CTTNBP2: variants seen among roughly 807,000 people sequenced by gnomAD.
The protein encoded by CTTNBP2 is cortactin-binding protein 2.
A neutral mutation model predicts 156.9 loss-of-function variants in CTTNBP2; 108 were observed. The ratio of observed to expected loss-of-function variants is 0.69; its 90% confidence interval spans 0.59 to 0.81. The LOEUF (loss-of-function observed/expected upper bound fraction) is 0.81, where lower values mean the gene tolerates loss of function less well. Among genes scored for constraint, CTTNBP2 ranks in the 30% least tolerant of loss-of-function variants. The pLI, the probability that CTTNBP2 is intolerant of heterozygous loss-of-function variation, is 0.00. For synonymous variants in CTTNBP2, 767 were observed against 751.8 expected (o/e 1.02, Z -0.33); for missense variants, 1,924 against 2,035.4 (o/e 0.95, Z 1.05).
intron 1 of CTTNBP2, among the ~76,000 whole-genome samples, 198 bp downstream of exon 1, chr7:117,873,137 A>G (rs1381611214): frequency 6.6e-6 from 1 of 152,262 alleles, no homozygotes; most frequent in South Asian, 2.1e-4. Context: ...ATCCCCAGCC[A>G]GGGTGGCCGC....
chr7:117,818,555 C>T (rs1013744660), intron 2 of CTTNBP2, among the ~76,000 whole-genome samples: 1 of 152,122 alleles, frequency 6.6e-6, no homozygotes, highest in Non-Finnish European at 1.5e-5. Flanking sequence ...ACCACCAAGC[C>T]ATGAAATGGA....
chr7:117,774,785 G>A (rs554058491), intron 8 of CTTNBP2, among the ~76,000 whole-genome samples: 14 of 152,098 alleles, frequency 9.2e-5, no homozygotes, highest in South Asian at 6.2e-4. Flanking sequence ...GGGTAGCAAC[G>A]ATACTACTAC....
Position 117,792,719 on chromosome 7 carries a change from G to A in CTTNBP2, c.477C>T (p.Arg159=). The part of the protein sequence containing the change: ...LEQEHKKLAA[R]LEEERGKNKQ... ...TGTTCTTGCCACGCTCTTCCTCAAG[G>A]CGGGCAGCCAGCTTCTTGTGCTCTT... Residue 159 remains arginine, a synonymous_variant, in exon 4 of 23, where the codon CGC becomes CGT. Coordinates refer to ENST00000160373, the MANE Select transcript of CTTNBP2 (RefSeq NM_033427.3). This position sits in a 1 kb window ranked among gnomAD's most constrained non-coding sequence, Gnocchi z 4.2. 6.2e-7 allele frequency: 1 copy of A among 1,609,310 alleles called. No individual in the cohort carries two copies. Among genetic ancestry groups the A allele is most frequent in the Non-Finnish European group, 8.5e-7 (1 of 1,177,552 alleles).
At chr7:117,787,534 T>C (rs1204565823) in intron 4 of CTTNBP2, among the ~76,000 whole-genome samples, 1 of 152,098 alleles carries the variant, frequency 6.6e-6, no homozygotes, top group African/African-American at 2.4e-5. Context: ...TTAAATCAAA[T>C]GTATCAAATA....
intron 22 of CTTNBP2, chr7:117,712,338 C>T (rs2116307478): frequency 6.6e-6 from 1 of 152,230 alleles, no homozygotes; most frequent in East Asian, 1.9e-4. Context: ...TCTAATGTTT[C>T]AGAAATCCTG....
intron 6 of CTTNBP2, among the ~76,000 whole-genome samples, chr7:117,781,359 T>C (rs1172268587): frequency 1.3e-5 from 2 of 152,260 alleles, no homozygotes; most frequent in African/African-American, 4.8e-5. Context: ...ATGAATGTTT[T>C]TCCTAATTTT....
rs1007370908 is a variant in CTTNBP2 at position 117,858,099 on chromosome 7, G to A, written c.189+3110C>T. ...TCAGGAATCTCCATAGGTCGGGCGC[G>A]GTGGCTCACGCCTGTAATCCCAGCA... On this transcript the variant is annotated intron_variant, in intron 2 of 22. Coordinates refer to ENST00000160373, the MANE Select transcript of CTTNBP2 (RefSeq NM_033427.3). Among the ~76,000 whole-genome samples, 30 of 152,168 alleles carry A rather than the reference G, an allele frequency of 2.0e-4. 1 individual carries two copies. The highest frequency in any genetic ancestry group is 5.3e-4 in the African/African-American group (22 of 41,432).
intron 7 of CTTNBP2, among the ~76,000 whole-genome samples, chr7:117,778,573 C>T (rs1383917704): frequency 2.0e-5 from 3 of 152,162 alleles, no homozygotes; most frequent in African/African-American, 7.2e-5. Context: ...TCTTAAGCCT[C>T]ATCTCAGATC....
chr7:117,786,368 T>C (rs775423984), intron 4 of CTTNBP2: 2 of 440,476 alleles, frequency 4.5e-6, no homozygotes, highest in South Asian at 3.4e-5. Context: ...AAAAGTAGTA[T>C]TTTTACTTCA....
intron 1 of CTTNBP2, among the ~76,000 whole-genome samples, chr7:117,861,648 G>C (rs1274146274): frequency 2.0e-5 from 3 of 152,124 alleles, no homozygotes; most frequent in Non-Finnish European, 2.9e-5. Context: ...GGGGGAGTGG[G>C]GGAGTTTCAA....
At chr7:117,769,813 T>A (rs553476578) in intron 8 of CTTNBP2, among the ~76,000 whole-genome samples, 2 of 152,338 alleles carry the variant, frequency 1.3e-5, no homozygotes, top group African/African-American at 4.8e-5. Flanking sequence ...CACACATTTA[T>A]TTTGCAAGTT....
At chr7:117,858,353 G>A (rs1259115536) in intron 2 of CTTNBP2, among the ~76,000 whole-genome samples, 3 of 152,212 alleles carry the variant, frequency 2.0e-5, no homozygotes, top group Non-Finnish European at 2.9e-5. Flanking sequence ...CTGGGCGACA[G>A]AGTGAGACTC....
chr7:117,832,013 T>C (rs1241451833), intron 2 of CTTNBP2, among the ~76,000 whole-genome samples: 3 of 152,158 alleles, frequency 2.0e-5, no homozygotes, highest in African/African-American at 7.2e-5. Flanking sequence ...TTAAATAACT[T>C]GGCTTGGACA....
intron 12 of CTTNBP2, among the ~76,000 whole-genome samples, chr7:117,751,970 C>T (rs933797189): frequency 6.6e-6 from 1 of 152,172 alleles, no homozygotes; most frequent in Non-Finnish European, 1.5e-5. Context: ...TTCCTCATAT[C>T]AGGCAACCAG....
At chr7:117,724,900 C>G (rs911506358) in intron 18 of CTTNBP2, 152 bp downstream of exon 18, 1 of 995,560 alleles carries the variant, frequency 1.0e-6, no homozygotes, top group Non-Finnish European at 1.5e-6. Flanking sequence ...AGAATTCAAA[C>G]ATTAACCAGT....
chr7:117,734,197 C>A (rs1018935417), intron 16 of CTTNBP2, among the ~76,000 whole-genome samples: 2 of 152,196 alleles, frequency 1.3e-5, no homozygotes, highest in African/African-American at 2.4e-5. Context: ...TTCTGTGAAG[C>A]AGCTAGCAGT....
At chr7:117,769,583 A>G (rs1797699470) in intron 8 of CTTNBP2, among the ~76,000 whole-genome samples, 1 of 152,238 alleles carries the variant, frequency 6.6e-6, no homozygotes, top group African/African-American at 2.4e-5. Flanking sequence ...TCATTGGTCT[A>G]CAGTTCAGAT....
At chr7:117,819,146 C>T (rs548401464) in intron 2 of CTTNBP2, among the ~76,000 whole-genome samples, 2 of 152,200 alleles carry the variant, frequency 1.3e-5, no homozygotes, top group East Asian at 3.9e-4. Flanking sequence ...AACTCTCTGT[C>T]TTAGTGTAAA....
chr7:117,770,672 G>C (rs1221790696), intron 8 of CTTNBP2, among the ~76,000 whole-genome samples: 1 of 152,222 alleles, frequency 6.6e-6, no homozygotes, highest in Non-Finnish European at 1.5e-5. Context: ...TCAGGGAGGA[G>C]TGCAAAGTGT....
Sources: gnomAD v4.1 joint callset for allele counts (sites outside exome capture counted in the v4.1 genomes callset) on GRCh38, gnomAD v4.1.1 for gene constraint, Gnocchi (gnomAD v3.1) non-coding constraint, MANE v1.5 for transcripts, NCBI Gene and HGNC (gene_info 2026-07-23, HGNC 2026-07-21) for gene names.